The following IDH3A variants were observed in gnomAD, a reference collection of about 807,000 sequenced individuals.
The protein encoded by IDH3A is isocitrate dehydrogenase [NAD] subunit alpha, mitochondrial.
In IDH3A, 23 loss-of-function variants were observed where a neutral mutation model predicts 43.3. The ratio of observed to expected loss-of-function variants is 0.53; its 90% CI spans 0.38 to 0.75. The LOEUF (loss-of-function observed/expected upper bound fraction) is 0.75, where lower values mean the gene tolerates loss of function less well. IDH3A is among the 30% of genes least tolerant of loss of function. The pLI, the probability that IDH3A is intolerant of heterozygous loss-of-function variation, is 0.00. For synonymous variants in IDH3A, 154 were observed against 163.5 expected (o/e 0.94, Z 0.44); for missense variants, 329 against 474.4 (o/e 0.69, Z 2.85).
At chr15:78,149,472 C>T in intron 1 of IDH3A, 42 bp downstream of exon 1, 3 of 1,498,202 alleles carry the variant, frequency 2.0e-6, no homozygotes, top group South Asian at 2.5e-5. Context: ...AGGCAGGCCG[C>T]GAGGGCTGGC....
chr15:78,163,667 G>T lies in IDH3A; in HGVS notation c.715-49G>T, dbSNP rs763789479. ...TTATGGTGAATGGTGTCTGTGTGTT[G>T]TGGGGATGCAGATTTTGATTACTAA... On this transcript the variant is annotated intron_variant, in intron 7 of 10. Coordinates refer to ENST00000299518, the MANE Select transcript of IDH3A (RefSeq NM_005530.3). 1.9e-6 allele frequency: 3 copies of T among 1,560,070 alleles called. No individual in the cohort carries two copies. The South Asian group carries it at 3.3e-5, about 17-fold the overall frequency.
At chr15:78,166,776 C>T (rs1301242381) in intron 10 of IDH3A, among the ~76,000 whole-genome samples, 8 of 152,130 alleles carry the variant, frequency 5.3e-5, no homozygotes, top group South Asian at 4.1e-4. Flanking sequence ...GGATTACAGG[C>T]GTGTGCCACC....
At chr15:78,154,072 A>G (rs1369273915) in intron 1 of IDH3A, among the ~76,000 whole-genome samples, 1 of 151,106 alleles carries the variant, frequency 6.6e-6, no homozygotes, top group East Asian at 1.9e-4. Context: ...TTCTTTTTTT[A>G]TATTGTTTAT....
chr15:78,165,625 G>A (rs759372530), intron 9 of IDH3A, among the ~76,000 whole-genome samples: 4 of 151,920 alleles, frequency 2.6e-5, no homozygotes, highest in Non-Finnish European at 5.9e-5. Flanking sequence ...GAAAAAGATT[G>A]TTGGTCCATA....
intron 3 of IDH3A, 89 bp from the exon 4 acceptor site, chr15:78,160,003 A>G (rs2074665296): frequency 6.2e-6 from 5 of 802,730 alleles, no homozygotes; most frequent in Admixed American, 1.9e-5. Context: ...TCAAAAACGA[A>G]GTTGAAAAAG....
At chr15:78,158,298 C>T (rs559683032) in intron 3 of IDH3A, among the ~76,000 whole-genome samples, 45 of 151,612 alleles carry the variant, frequency 3.0e-4, no homozygotes, top group Middle Eastern at 3.4e-3. Flanking sequence ...CTGTAAGCTG[C>T]TTGTGAACAG....
chr15:78,159,444 G>A (rs2074659290), intron 3 of IDH3A, among the ~76,000 whole-genome samples: 1 of 152,110 alleles, frequency 6.6e-6, no homozygotes, highest in South Asian at 2.1e-4. Context: ...TTAGCATGAT[G>A]TTTTTAAGTT....
chr15:78,151,571 AAAAAAAGATTTTTTTTTT>A (rs1469426573), intron 1 of IDH3A: 1 of 150,488 alleles, frequency 6.6e-6, no homozygotes. Flanking sequence ...GTCTCAAAAA[AAAAAAAGATTTTTTTTTT>A]AAAACCCATC....
chr15:78,150,183 C>A (rs1044041718), intron 1 of IDH3A, among the ~76,000 whole-genome samples: 1 of 152,188 alleles, frequency 6.6e-6, no homozygotes, highest in African/African-American at 2.4e-5. Context: ...GATGCCAGAG[C>A]TGGAAAGGGT....
rs939111699 is a variant in IDH3A at position 78,169,918 on chromosome 15, A to G, written c.*913A>G. 3.1e-4 allele frequency: 47 copies of G among 152,230 alleles called. No individual in the cohort carries two copies. Among genetic ancestry groups the G allele is most frequent in the Non-Finnish European group, 2.1e-4 (14 of 68,036 alleles). The allele number at this position is 152,230 out of a possible 1,614,324, so 9.4% of individuals were successfully genotyped here. Reference sequence around the variant, plus strand: ...GTAGTTCTGGGGGCGATACTGCCGAAAGGCCCGAACACATGTATTTTGGCT... The same window carrying G: ...GTAGTTCTGGGGGCGATACTGCCGAGAGGCCCGAACACATGTATTTTGGCT... On this transcript the variant is annotated 3_prime_UTR_variant, in exon 11 of 11. Coordinates refer to ENST00000299518, the MANE Select transcript of IDH3A (RefSeq NM_005530.3).
chr15:78,167,924 T>G (rs565898157), intron 10 of IDH3A: 1 of 152,376 alleles, frequency 6.6e-6, no homozygotes, highest in South Asian at 2.1e-4. Flanking sequence ...TCATATGATT[T>G]TCTTATTCTT....
At chr15:78,165,246 C>G (rs185875219) in intron 9 of IDH3A, among the ~76,000 whole-genome samples, 170 bp downstream of exon 9, 1 of 151,692 alleles carries the variant, frequency 6.6e-6, no homozygotes. Context: ...CGCTGGAGTA[C>G]AGTGGTGCGA....
At chr15:78,154,064 C>CTTT (rs1042695124) in intron 1 of IDH3A, among the ~76,000 whole-genome samples, 1 of 151,444 alleles carries the variant, frequency 6.6e-6, no homozygotes, top group Non-Finnish European at 1.5e-5. Context: ...TACCCAGTTT[C>CTTT]TTTTTTTATA....
At chr15:78,167,786 C>T (rs181170316) in intron 10 of IDH3A, 1 of 152,156 alleles carries the variant, frequency 6.6e-6, no homozygotes, top group Non-Finnish European at 1.5e-5. Flanking sequence ...TGGCTTATTT[C>T]ACTTAGCGTA....
chr15:78,156,254 G>GA (rs35150451), intron 2 of IDH3A, among the ~76,000 whole-genome samples: 27 of 151,020 alleles, frequency 1.8e-4, no homozygotes, highest in Middle Eastern at 3.4e-3. Flanking sequence ...CTATTTATTT[G>GA]AAAAAAAAAT....
chr15:78,156,986 A>G (rs2074628504), intron 2 of IDH3A: 9 of 1,342,560 alleles, frequency 6.7e-6, no homozygotes, highest in Non-Finnish European at 4.9e-6. Context: ...AAAAAATGGA[A>G]GCTCTCTTGA....
At chr15:78,155,976 A>G (rs189604966) in intron 2 of IDH3A, among the ~76,000 whole-genome samples, 1 of 152,330 alleles carries the variant, frequency 6.6e-6, no homozygotes, top group Admixed American at 6.5e-5. Context: ...ATGCCGTGAA[A>G]GATTTATAAG....
chr15:78,171,587 T>C lies in IDH3A; in HGVS notation c.*2582T>C. 1 of 1,443,452 alleles carries C rather than the reference T, an allele frequency of 6.9e-7. No individual in the cohort carries two copies. Among genetic ancestry groups the C allele is most frequent in the Non-Finnish European group, 9.7e-7 (1 of 1,026,074 alleles). 89.4% of individuals were successfully genotyped at this position (1,443,452 alleles called of 1,614,324 possible). A position where few individuals can be genotyped will look rare whatever the true frequency, so the allele number is the denominator to read the frequency against. ...CCAGGCTCTGAGAACTCTGAGAATG[T>C]GTGTGGTAAAGACTCACACTCAGTC... On this transcript the variant is annotated 3_prime_UTR_variant, in exon 11 of 11. Coordinates refer to ENST00000299518, the MANE Select transcript of IDH3A (RefSeq NM_005530.3).
rs1595872384 is a variant in IDH3A at position 78,166,410 on chromosome 15, C to T, written c.1017+108C>T. On this transcript the variant is annotated intron_variant, in intron 10 of 10. Coordinates refer to ENST00000299518, the MANE Select transcript of IDH3A (RefSeq NM_005530.3). ...ATAATAGTTCTCAGGCGGGCCCAAG[C>T]ATTTGATGTTGAACAAGGATTCTTA... 12 of 1,122,970 alleles carry T rather than the reference C, an allele frequency of 1.1e-5. No individual in the cohort carries two copies. In the East Asian group the frequency reaches 2.6e-4, roughly 24 times the overall value. The allele number at this position is 1,122,970 out of a possible 1,614,324, so 69.6% of individuals were successfully genotyped here.
Sources: gnomAD v4.1 joint callset for allele counts (sites outside exome capture counted in the v4.1 genomes callset) on GRCh38, gnomAD v4.1.1 for gene constraint, MANE v1.5 for transcripts, NCBI Gene and HGNC (gene_info 2026-07-23, HGNC 2026-07-21) for gene names.